Variants in RSRC1 observed in about 807,000 individuals in gnomAD.
RSRC1 encodes serine/Arginine-related protein 53.
RSRC1 carries 39 observed loss-of-function variants against 49.1 expected under a neutral mutation model. The ratio of observed to expected loss-of-function variants is 0.79; its 90% CI spans 0.61 to 1.04. RSRC1 has a LOEUF of 1.04. Among genes scored for constraint, RSRC1 ranks in the 50% least tolerant of loss-of-function variants. The pLI is 0.00. For synonymous variants in RSRC1, 143 were observed against 130.8 expected, an observed-to-expected ratio of 1.09 and a Z score of -0.63; for missense variants, 388 against 402.4, an observed-to-expected ratio of 0.96 and a Z score of 0.31.
chr3:158,498,319 TG>T (rs910680538), intron 7 of RSRC1, among the ~76,000 whole-genome samples: 24 of 152,204 alleles, frequency 1.6e-4, no homozygotes, highest in Non-Finnish European at 2.9e-4. Context: ...TCATTGGTGA[TG>T]TTGAGCATTT....
chr3:158,357,261 G>A (rs768518993), intron 6 of RSRC1, among the ~76,000 whole-genome samples: 2 of 152,082 alleles, frequency 1.3e-5, no homozygotes, highest in Non-Finnish European at 2.9e-5. Flanking sequence ...TGAGGTCAGA[G>A]GGTATTAACA....
intron 5 of RSRC1, among the ~76,000 whole-genome samples, chr3:158,327,009 A>G (rs1261419781): frequency 1.3e-5 from 2 of 152,068 alleles, no homozygotes; most frequent in African/African-American, 4.8e-5. Flanking sequence ...TTTCTAGTTT[A>G]TTTGCATAGA....
At chr3:158,226,163 GA>G (rs960718283) in intron 4 of RSRC1, among the ~76,000 whole-genome samples, 1 of 151,796 alleles carries the variant, frequency 6.6e-6, no homozygotes, top group Non-Finnish European at 1.5e-5. Flanking sequence ...AAGGACAGGT[GA>G]AAAAAACTCT....
intron 3 of RSRC1, among the ~76,000 whole-genome samples, chr3:158,161,737 G>A (rs1442195655): frequency 1.3e-5 from 2 of 152,108 alleles, no homozygotes; most frequent in Non-Finnish European, 2.9e-5. Flanking sequence ...ACTCCAGTCT[G>A]GGTGACAAAG....
intron 6 of RSRC1, among the ~76,000 whole-genome samples, chr3:158,388,628 T>TG: frequency 6.9e-6 from 1 of 145,336 alleles, no homozygotes; most frequent in Non-Finnish European, 1.5e-5. Flanking sequence ...TTTTTTTTTT[T>TG]GAGACTGAGT....
intron 5 of RSRC1, among the ~76,000 whole-genome samples, chr3:158,354,057 C>T (rs1212616068): frequency 8.0e-6 from 1 of 124,514 alleles, no homozygotes; most frequent in Non-Finnish European, 1.6e-5. Flanking sequence ...GATACAGTGG[C>T]ACGATCTTGG....
chr3:158,174,203 G>A (rs550933534), intron 3 of RSRC1, among the ~76,000 whole-genome samples: 29 of 151,834 alleles, frequency 1.9e-4, no homozygotes, highest in African/African-American at 6.3e-4. Flanking sequence ...TTAATGCTTG[G>A]CATTTGATAA....
chr3:158,369,689 G>T (rs1436822473), intron 6 of RSRC1, among the ~76,000 whole-genome samples: 1 of 152,028 alleles, frequency 6.6e-6, no homozygotes, highest in Admixed American at 6.6e-5. Flanking sequence ...GAAAATTTTT[G>T]TAATGTTTAT....
At chr3:158,425,548 A>G (rs958096684) in intron 6 of RSRC1, among the ~76,000 whole-genome samples, 2 of 152,006 alleles carry the variant, frequency 1.3e-5, no homozygotes, top group Non-Finnish European at 2.9e-5. Flanking sequence ...GCTGAAAAAA[A>G]TGTATATTCT....
At chr3:158,473,889 C>T (rs1738254575) in intron 7 of RSRC1, among the ~76,000 whole-genome samples, 1 of 152,044 alleles carries the variant, frequency 6.6e-6, no homozygotes. Context: ...GATTATAGAT[C>T]ATTTCCTTAC....
At chr3:158,362,892 A>G (rs1353580134) in intron 6 of RSRC1, among the ~76,000 whole-genome samples, 1 of 152,198 alleles carries the variant, frequency 6.6e-6, no homozygotes, top group Non-Finnish European at 1.5e-5. Context: ...CTGTAACACA[A>G]TTTTCTTTGA....
chr3:158,289,823 CTG>C, intron 4 of RSRC1, among the ~76,000 whole-genome samples: 1 of 152,290 alleles, frequency 6.6e-6, no homozygotes, highest in African/African-American at 2.4e-5. Context: ...TTTCCCAACA[CTG>C]TACCTTCTTG....
intron 7 of RSRC1, among the ~76,000 whole-genome samples, chr3:158,534,338 C>T (rs1291643561): frequency 1.3e-5 from 2 of 151,700 alleles, no homozygotes; most frequent in Non-Finnish European, 3.0e-5. Context: ...TCTGTAACAA[C>T]ATTAAACCTT....
chr3:158,165,620 A>AG (rs1718489221), intron 3 of RSRC1, among the ~76,000 whole-genome samples: 1 of 152,236 alleles, frequency 6.6e-6, no homozygotes, highest in Non-Finnish European at 1.5e-5. Context: ...CAAAACCTGA[A>AG]GTAGTCCAAG....
chr3:158,531,896 A>C (rs1364432187), intron 7 of RSRC1, among the ~76,000 whole-genome samples: 1 of 151,896 alleles, frequency 6.6e-6, no homozygotes, highest in Non-Finnish European at 1.5e-5. Flanking sequence ...TTGTCCACAA[A>C]TTTTATTGAA....
intron 7 of RSRC1, among the ~76,000 whole-genome samples, chr3:158,479,828 C>G (rs1477104647): frequency 1.3e-5 from 2 of 151,928 alleles, no homozygotes; most frequent in Non-Finnish European, 2.9e-5. Flanking sequence ...TAACATTGGC[C>G]TAATTACTAA....
At chr3:158,409,835 T>G (rs75347328) in intron 6 of RSRC1, among the ~76,000 whole-genome samples, 3 of 152,250 alleles carry the variant, frequency 2.0e-5, no homozygotes, top group East Asian at 3.9e-4. Context: ...AGAGGGCATA[T>G]GAAAATCTGT....
At chr3:158,393,615 A>G (rs1733448201) in intron 6 of RSRC1, among the ~76,000 whole-genome samples, 1 of 152,096 alleles carries the variant, frequency 6.6e-6, no homozygotes, top group Non-Finnish European at 1.5e-5. Context: ...TTGAATCAGG[A>G]AGAAATAGAA....
At chr3:158,399,040 T>C (rs1733757435) in intron 6 of RSRC1, among the ~76,000 whole-genome samples, 1 of 151,640 alleles carries the variant, frequency 6.6e-6, no homozygotes, top group South Asian at 2.1e-4. Flanking sequence ...GGTCTGAATA[T>C]TTATCATGTT....
Sources: gnomAD v4.1 joint callset for allele counts (sites outside exome capture counted in the v4.1 genomes callset) on GRCh38, gnomAD v4.1.1 for gene constraint, MANE v1.5 for transcripts, NCBI Gene and HGNC (gene_info 2026-07-23, HGNC 2026-07-21) for gene names.